MTHFD2L: variants seen among roughly 807,000 people sequenced by gnomAD.
MTHFD2L encodes methylenetetrahydrofolate dehydrogenase (NADP+ dependent) 2 like.
In MTHFD2L, 29 loss-of-function variants were observed where a neutral mutation model predicts 34.9. That is an observed-to-expected ratio of 0.83 (90% CI 0.62 to 1.13). The LOEUF is 1.13. MTHFD2L is among the 50% of genes most tolerant of loss of function. The probability of loss-of-function intolerance (pLI) is 0.00; values close to 1 mark genes in which losing one functional copy is unlikely to be tolerated. For synonymous variants in MTHFD2L, 167 were observed against 155.7 expected (o/e 1.07, Z -0.54); for missense variants, 481 against 446.5 (o/e 1.08, Z -0.70).
intron 6 of MTHFD2L, among the ~76,000 whole-genome samples, chr4:74,271,831 C>A (rs899425886): frequency 6.6e-6 from 1 of 152,036 alleles, no homozygotes. Flanking sequence ...TTGTTTGTAT[C>A]CTCTTTTATT....
intron 7 of MTHFD2L, among the ~76,000 whole-genome samples, chr4:74,290,165 A>G (rs1340254501): frequency 6.6e-6 from 1 of 152,046 alleles, no homozygotes; most frequent in Admixed American, 6.6e-5. Flanking sequence ...TTAATTTGAG[A>G]CTCCATCTGG....
intron 1 of MTHFD2L, among the ~76,000 whole-genome samples, chr4:74,173,660 A>G (rs898001594): frequency 8.5e-5 from 13 of 152,216 alleles, no homozygotes; most frequent in African/African-American, 3.1e-4. Flanking sequence ...TTGTGGGGCT[A>G]CGTGTATACA....
intron 1 of MTHFD2L, among the ~76,000 whole-genome samples, chr4:74,171,883 T>C (rs1728079585): frequency 6.6e-6 from 1 of 152,208 alleles, no homozygotes; most frequent in Admixed American, 6.5e-5. Flanking sequence ...GCTGTATTTG[T>C]CATGATCAAA....
At chr4:74,150,879 G>A (rs1171432590) in intron 1 of MTHFD2L, among the ~76,000 whole-genome samples, 2 of 151,700 alleles carry the variant, frequency 1.3e-5, no homozygotes, top group Non-Finnish European at 2.9e-5. Flanking sequence ...AAACAAGAAG[G>A]CTTAACAAAA....
chr4:74,260,919 AAAACAAAG>A (rs1305767272), intron 6 of MTHFD2L, among the ~76,000 whole-genome samples: 5 of 133,142 alleles, frequency 3.8e-5, no homozygotes, highest in African/African-American at 9.6e-5. Context: ...TTTTTTAAAA[AAAACAAAG>A]AAACAATTAA....
At chr4:74,211,862 A>G (rs1252257663) in intron 5 of MTHFD2L, among the ~76,000 whole-genome samples, 1 of 151,446 alleles carries the variant, frequency 6.6e-6, no homozygotes, top group Non-Finnish European at 1.5e-5. Context: ...TTAATTTCAG[A>G]ACTTGTTATT....
intron 7 of MTHFD2L, among the ~76,000 whole-genome samples, chr4:74,284,848 C>T (rs1414552357): frequency 1.3e-5 from 2 of 151,946 alleles, no homozygotes; most frequent in African/African-American, 4.8e-5. Flanking sequence ...GGGTATATAC[C>T]CAAAGGACTA....
At chr4:74,233,134 G>T in intron 6 of MTHFD2L, among the ~76,000 whole-genome samples, 1 of 152,070 alleles carries the variant, frequency 6.6e-6, no homozygotes, top group Admixed American at 6.6e-5. Flanking sequence ...TACCTTACCT[G>T]TGCATTTATG....
intron 1 of MTHFD2L, chr4:74,160,766 C>T (rs982155879): frequency 6.6e-6 from 1 of 152,264 alleles, no homozygotes; most frequent in African/African-American, 2.4e-5. Context: ...GGTTAAAAGG[C>T]ATCACATGAG....
chr4:74,248,984 A>T (rs1343570355), intron 6 of MTHFD2L, among the ~76,000 whole-genome samples: 1 of 152,076 alleles, frequency 6.6e-6, no homozygotes, highest in East Asian at 1.9e-4. Context: ...AGTTCTGTAG[A>T]TGTGTATTAG....
At chr4:74,288,288 GT>G (rs1301812246) in intron 7 of MTHFD2L, 1 of 152,096 alleles carries the variant, frequency 6.6e-6, no homozygotes, top group Non-Finnish European at 1.5e-5. Context: ...CCTCATTTAT[GT>G]TCTCTTCTAA....
At chr4:74,172,961 C>T (rs1466403789) in intron 1 of MTHFD2L, among the ~76,000 whole-genome samples, 1 of 152,136 alleles carries the variant, frequency 6.6e-6, no homozygotes, top group Non-Finnish European at 1.5e-5. Context: ...TTTATAGCAC[C>T]CGCCCTCATT....
chr4:74,217,690 G>A (rs1578504257), intron 5 of MTHFD2L, among the ~76,000 whole-genome samples: 1 of 151,770 alleles, frequency 6.6e-6, no homozygotes, highest in African/African-American at 2.4e-5. Context: ...TTTGCCTCAT[G>A]GGAAAGGAAG....
intron 6 of MTHFD2L, among the ~76,000 whole-genome samples, chr4:74,229,229 G>C (rs1396969034): frequency 6.6e-6 from 1 of 152,086 alleles, no homozygotes; most frequent in East Asian, 1.9e-4. Flanking sequence ...AAAACATGTA[G>C]GCATTTATAA....
intron 3 of MTHFD2L, among the ~76,000 whole-genome samples, chr4:74,196,877 C>T (rs183627988): frequency 1.4e-3 from 203 of 146,750 alleles, no homozygotes; most frequent in African/African-American, 4.8e-3. Flanking sequence ...ACCCAGGAGG[C>T]GGAGGTTGCA....
At chr4:74,295,898 C>T (rs1457953579) in intron 7 of MTHFD2L, among the ~76,000 whole-genome samples, 1 of 152,142 alleles carries the variant, frequency 6.6e-6, no homozygotes. Flanking sequence ...CATGGATATG[C>T]CACATTAATA....
At chr4:74,121,901 T>C (rs1721783910), upstream of MTHFD2L, among the ~76,000 whole-genome samples, 1 of 151,914 alleles carries the variant, frequency 6.6e-6, no homozygotes, top group Non-Finnish European at 1.5e-5. Flanking sequence ...GAGGACACAA[T>C]GAGAAGGCAA....
At chr4:74,221,736 T>A (rs1032040018) in intron 5 of MTHFD2L, among the ~76,000 whole-genome samples, 1 of 151,486 alleles carries the variant, frequency 6.6e-6, no homozygotes, top group Non-Finnish European at 1.5e-5. Context: ...AAATTTATAT[T>A]TGTTTTTATG....
Position 74,158,280 on chromosome 4 carries a change from A to T in MTHFD2L, c.142A>T (p.Arg48Ter). The change falls in exon 1 of 8, where the codon AGA (arginine) becomes TGA (stop). Residue 48 changes from arginine (R) to a stop codon, truncating the protein, a stop_gained and splice_region_variant. Coordinates refer to ENST00000325278, the MANE Select transcript of MTHFD2L (RefSeq NM_001144978.3). LOFTEE classifies it high-confidence loss of function. Reference protein sequence around the residue: ...AFRGFRSSGVRHEAIIISGTE... With the variant: ...AFRGFRSSGV Reference sequence around the variant, plus strand: ...CCGGGGCTTTCGGAGCAGCGGTGTGAGGTACGAGGGCTGCGGGCGCCGGGT... The same window carrying T: ...CCGGGGCTTTCGGAGCAGCGGTGTGTGGTACGAGGGCTGCGGGCGCCGGGT... The T allele has an allele frequency of 7.2e-7, 1 of 1,385,620 alleles. No homozygotes were observed. Among genetic ancestry groups the T allele is most frequent in the Non-Finnish European group, 9.3e-7 (1 of 1,071,360 alleles). The allele number at this position is 1,385,620 out of a possible 1,614,324, so 85.8% of individuals were successfully genotyped here.
Sources: gnomAD v4.1 joint callset for allele counts (sites outside exome capture counted in the v4.1 genomes callset) on GRCh38, gnomAD v4.1.1 for gene constraint, MANE v1.5 for transcripts, NCBI Gene and HGNC (gene_info 2026-07-23, HGNC 2026-07-21) for gene names.